Variants in ARHGAP25 observed in about 807,000 individuals in gnomAD.
ARHGAP25 encodes Rho GTPase activating protein 25, also known as rho GTPase-activating protein 25.
A neutral mutation model predicts 71.0 loss-of-function variants in ARHGAP25; 34 were observed. That is an observed-to-expected ratio of 0.48 (90% CI 0.36 to 0.64). The LOEUF (loss-of-function observed/expected upper bound fraction) is 0.64, where lower values mean the gene tolerates loss of function less well. ARHGAP25 is among the 30% of genes least tolerant of loss of function. The pLI is 0.00. For missense variants in ARHGAP25, 706 were observed against 805.1 expected (o/e 0.88, Z 1.49); for synonymous variants, 282 against 296.5 (o/e 0.95, Z 0.50).
chr2:68,790,375 G>A (rs773943382), intron 4 of ARHGAP25, among the ~76,000 whole-genome samples: 8 of 152,174 alleles, frequency 5.3e-5, no homozygotes, highest in African/African-American at 1.9e-4. Flanking sequence ...GAGGCCACTG[G>A]ACAAATCAGA....
chr2:68,733,107 A>G (rs1675068901), upstream of ARHGAP25, among the ~76,000 whole-genome samples: 1 of 152,234 alleles, frequency 6.6e-6, no homozygotes, highest in Non-Finnish European at 1.5e-5. Flanking sequence ...TTTAGAGGTC[A>G]GAGAGATGAG....
At chr2:68,717,916 G>A (rs999428267) in intron 2 of ARHGAP25, among the ~76,000 whole-genome samples, 2 of 151,830 alleles carry the variant, frequency 1.3e-5, no homozygotes, top group East Asian at 3.9e-4. Context: ...TTTTTCTTTT[G>A]CACTCATATT....
chr2:68,734,179 G>A (rs1675101448), upstream of ARHGAP25, among the ~76,000 whole-genome samples: 2 of 152,202 alleles, frequency 1.3e-5, no homozygotes, highest in African/African-American at 4.8e-5. Flanking sequence ...CCTTTGAGTT[G>A]TGGTTATTAT....
chr2:68,800,958 CT>C (rs1450225681), intron 4 of ARHGAP25, among the ~76,000 whole-genome samples: 3 of 151,966 alleles, frequency 2.0e-5, no homozygotes, highest in African/African-American at 7.2e-5. Context: ...TGGAAATGCT[CT>C]GCTAATGGCC....
At chr2:68,766,862 A>G in intron 1 of ARHGAP25, among the ~76,000 whole-genome samples, 1 of 151,956 alleles carries the variant, frequency 6.6e-6, no homozygotes, top group Non-Finnish European at 1.5e-5. Flanking sequence ...TATTGCTACC[A>G]AGACAGCATT....
At chr2:68,754,150 A>T (rs1201747356) in intron 1 of ARHGAP25, among the ~76,000 whole-genome samples, 1 of 152,022 alleles carries the variant, frequency 6.6e-6, no homozygotes, top group African/African-American at 2.4e-5. Context: ...TTGAACTGCA[A>T]TCAGGTGGGT....
chr2:68,794,254 A>T (rs184771078), intron 4 of ARHGAP25, among the ~76,000 whole-genome samples: 2 of 152,110 alleles, frequency 1.3e-5, no homozygotes, highest in Admixed American at 1.3e-4. Flanking sequence ...TTTGGATACC[A>T]CTTATTCCTT....
In ARHGAP25 at chr2:68,767,435, C is replaced by T. The variant is rs760407719; in HGVS notation, c.62-7786C>T. Among the ~76,000 whole-genome samples, 21 of 151,746 alleles carry T rather than the reference C, an allele frequency of 1.4e-4. No homozygotes were observed. The highest frequency in any genetic ancestry group is 3.4e-3 in the Middle Eastern group (1 of 294). On this transcript the variant is annotated intron_variant, in intron 1 of 10. Coordinates refer to ENST00000409202, the MANE Select transcript of ARHGAP25 (RefSeq NM_001007231.3). This position sits in a 1 kb window ranked among gnomAD's most constrained non-coding sequence, Gnocchi z 4.6. ...TATGTATGTGTGAATGTGGCAGGGGCGTTGCGTGTGTGTATGTGTGCGGGG... is the reference window on the plus strand; with the variant it reads ...TATGTATGTGTGAATGTGGCAGGGGTGTTGCGTGTGTGTATGTGTGCGGGG...
In ARHGAP25 at chr2:68,826,317, A is replaced by T; in HGVS notation, c.*123A>T. ...GAGGGAAAGGACATTTGAGGGAAAC[A>T]TCAAATTTCCCCATAAATAAATGAA... On this transcript the variant is annotated 3_prime_UTR_variant, in exon 11 of 11. Coordinates refer to ENST00000409202, the MANE Select transcript of ARHGAP25 (RefSeq NM_001007231.3). 1.1e-6 allele frequency: 1 copy of T among 919,792 alleles called. No homozygotes were observed. The highest frequency in any genetic ancestry group is 1.7e-6 in the Non-Finnish European group (1 of 573,740). 57.0% of individuals were successfully genotyped at this position (919,792 alleles called of 1,614,324 possible). A position where few individuals can be genotyped will look rare whatever the true frequency, so the allele number is the denominator to read the frequency against.
chr2:68,768,681 A>T (rs1402568495), intron 1 of ARHGAP25, among the ~76,000 whole-genome samples: 1 of 152,078 alleles, frequency 6.6e-6, no homozygotes, highest in African/African-American at 2.4e-5. Flanking sequence ...TTTTCACGTC[A>T]CTCAAATCTT....
chr2:68,802,728 AG>A (rs1573580775), intron 4 of ARHGAP25, among the ~76,000 whole-genome samples: 1 of 144,924 alleles, frequency 6.9e-6, no homozygotes, highest in Non-Finnish European at 1.5e-5. Context: ...AGAGAGAGAG[AG>A]AGAAAAGATG....
chr2:68,801,258 A>G (rs1679941832), intron 4 of ARHGAP25, among the ~76,000 whole-genome samples: 2 of 152,134 alleles, frequency 1.3e-5, no homozygotes, highest in African/African-American at 2.4e-5. Flanking sequence ...TCTTCATCAT[A>G]TGGGTGATAT....
chr2:68,762,694 C>T (rs1676899411), intron 1 of ARHGAP25, among the ~76,000 whole-genome samples: 1 of 151,840 alleles, frequency 6.6e-6, no homozygotes, highest in African/African-American at 2.4e-5. Context: ...TAAAAACAAA[C>T]AGAAAAAGAA....
At chr2:68,721,975 T>C (rs1674773620) in intron 2 of ARHGAP25, among the ~76,000 whole-genome samples, 1 of 152,218 alleles carries the variant, frequency 6.6e-6, no homozygotes, top group South Asian at 2.1e-4. Flanking sequence ...TGCTGGGCCA[T>C]GGGGCAGGCA....
At position 68,754,863 on chromosome 2, in the gene ARHGAP25, T is replaced by C. The variant is rs539223414; in HGVS notation, c.61+19603T>C. ...TAAGGCTGTTTGGCCTCATTTCATT[T>C]GGTAAAGTCTCAGATCAAAATTTTG... On this transcript the variant is annotated intron_variant, in intron 1 of 10. Transcript: ENST00000409202. Among the ~76,000 whole-genome samples, 15 of 152,360 alleles carry C rather than the reference T, an allele frequency of 9.8e-5. No homozygotes were observed. The South Asian group carries it at 2.1e-3, about 21-fold the overall frequency.
intron 1 of ARHGAP25, among the ~76,000 whole-genome samples, chr2:68,766,113 C>G (rs1677108849): frequency 6.6e-6 from 1 of 152,210 alleles, no homozygotes; most frequent in Non-Finnish European, 1.5e-5. Flanking sequence ...GAACCAAAAC[C>G]TCTTACCTAA....
chr2:68,750,302 C>T (rs1453720509), intron 1 of ARHGAP25, among the ~76,000 whole-genome samples: 13 of 149,690 alleles, frequency 8.7e-5, no homozygotes, highest in African/African-American at 2.5e-4. Flanking sequence ...TGAGCCACTG[C>T]GCCCAGCCCC....
At chr2:68,798,351 A>G (rs1679724851) in intron 4 of ARHGAP25, among the ~76,000 whole-genome samples, 1 of 152,180 alleles carries the variant, frequency 6.6e-6, no homozygotes, top group Admixed American at 6.5e-5. Context: ...GATGATATTT[A>G]CTTATTTCCA....
intron 3 of ARHGAP25, among the ~76,000 whole-genome samples, chr2:68,784,303 C>T (rs1338453057): frequency 6.6e-6 from 1 of 152,114 alleles, no homozygotes; most frequent in Non-Finnish European, 1.5e-5. Context: ...CCACCCAACC[C>T]TAAAGTGAGA....
Sources: gnomAD v4.1 joint callset for allele counts (sites outside exome capture counted in the v4.1 genomes callset) on GRCh38, gnomAD v4.1.1 for gene constraint, Gnocchi (gnomAD v3.1) non-coding constraint, MANE v1.5 for transcripts, NCBI Gene and HGNC (gene_info 2026-07-23, HGNC 2026-07-21) for gene names.